Variants in ZMYND8 observed in about 807,000 individuals in gnomAD.
The protein encoded by ZMYND8 is zinc finger MYND-type containing 8.
Under a neutral mutation model 140.8 loss-of-function variants are expected in ZMYND8, and 37 were observed. The ratio of observed to expected loss-of-function variants is 0.26; its 90% CI spans 0.20 to 0.35. The LOEUF (loss-of-function observed/expected upper bound fraction) is 0.35, where lower values mean the gene tolerates loss of function less well. ZMYND8 is among the 10% of genes least tolerant of loss of function. The pLI is 1.00. For missense variants in ZMYND8, 1,068 were observed against 1,570.0 expected (o/e 0.68, Z 5.40); for synonymous variants, 592 against 597.1 (o/e 0.99, Z 0.12).
intron 2 of ZMYND8, among the ~76,000 whole-genome samples, chr20:47,314,105 G>A (rs954685005): frequency 6.6e-5 from 10 of 152,060 alleles, no homozygotes; most frequent in African/African-American, 2.2e-4. Context: ...TGGGAGGGGT[G>A]CCTGCAGGGA....
At chr20:47,349,236 G>A (rs1438696618) in intron 1 of ZMYND8, 2 of 152,288 alleles carry the variant, frequency 1.3e-5, no homozygotes, top group African/African-American at 4.8e-5. Flanking sequence ...AATTATAGGG[G>A]CTTGGAGACG....
intron 17 of ZMYND8, 149 bp downstream of exon 17, chr20:47,229,577 C>G (rs2038195959): frequency 4.4e-6 from 3 of 677,166 alleles, no homozygotes; most frequent in Non-Finnish European, 7.6e-6. Context: ...GAAAAAATAC[C>G]CCCATCGATA....
intron 2 of ZMYND8, among the ~76,000 whole-genome samples, chr20:47,341,204 C>G (rs1478116116): frequency 6.6e-6 from 1 of 152,160 alleles, no homozygotes; most frequent in Admixed American, 6.5e-5. Context: ...AAAATGTTTA[C>G]ACAGTATGTC....
chr20:47,217,189 G>GA lies in ZMYND8; in HGVS notation c.3484+3068dup, dbSNP rs538298224. 7.2e-5 allele frequency among the ~76,000 whole-genome samples: 11 copies of GA among 152,138 alleles called. No individual in the cohort carries two copies. In the East Asian group the frequency reaches 1.9e-3, roughly 27 times the overall value. ...AAGACAGTTAGTAGAATTGGGTGAG[G>GA]AAAAAAAGGCCACATCTGCACGCTG... is the stretch of plus-strand genomic sequence containing the variant. On this transcript the variant is annotated intron_variant, in intron 21 of 22. Transcript: ENST00000471951.
intron 11 of ZMYND8, 145 bp downstream of exon 11, chr20:47,276,169 G>A: frequency 8.5e-7 from 1 of 1,176,560 alleles, no homozygotes; most frequent in South Asian, 3.0e-5. Context: ...AACTCCACTG[G>A]TGACTTCTTG....
At chr20:47,307,454 G>A (rs188679134) in intron 3 of ZMYND8, among the ~76,000 whole-genome samples, 64 of 151,954 alleles carry the variant, frequency 4.2e-4, no homozygotes, top group Admixed American at 3.5e-3. Flanking sequence ...GAGAAACTCC[G>A]TCTCAAAAAA....
intron 2 of ZMYND8, among the ~76,000 whole-genome samples, chr20:47,313,238 A>G (rs988029466): frequency 6.9e-6 from 1 of 144,996 alleles, no homozygotes; most frequent in African/African-American, 2.7e-5. Flanking sequence ...AAAAAAAAAA[A>G]AATTTAATTA....
chr20:47,338,662 C>T (rs950497591), intron 2 of ZMYND8, among the ~76,000 whole-genome samples: 1 of 152,156 alleles, frequency 6.6e-6, no homozygotes, highest in Non-Finnish European at 1.5e-5. Context: ...GCTACCACCA[C>T]CGCCACTCAC....
chr20:47,269,340 G>C (rs118109246), intron 11 of ZMYND8, among the ~76,000 whole-genome samples: 1 of 152,228 alleles, frequency 6.6e-6, no homozygotes, highest in Non-Finnish European at 1.5e-5. Flanking sequence ...GCACAGAACA[G>C]CCTCACAATA....
chr20:47,333,362 G>A (rs1007551215), intron 2 of ZMYND8, among the ~76,000 whole-genome samples: 1 of 151,774 alleles, frequency 6.6e-6, no homozygotes, highest in Non-Finnish European at 1.5e-5. Context: ...AGCACTTTGA[G>A]AGACTGAGGG....
intron 2 of ZMYND8, among the ~76,000 whole-genome samples, chr20:47,334,667 T>C (rs1002074751): frequency 2.0e-4 from 30 of 151,174 alleles, no homozygotes; most frequent in Non-Finnish European, 1.0e-4. Context: ...TGGAGTACAG[T>C]GGCACGATCT....
At chr20:47,277,762 C>A (rs1259195385) in intron 10 of ZMYND8, among the ~76,000 whole-genome samples, 1 of 152,004 alleles carries the variant, frequency 6.6e-6, no homozygotes, top group Non-Finnish European at 1.5e-5. Flanking sequence ...CCTCCGTCTC[C>A]TGGGTTCAAG....
At chr20:47,231,886 A>G (rs1160458526) in intron 16 of ZMYND8, among the ~76,000 whole-genome samples, 1 of 152,248 alleles carries the variant, frequency 6.6e-6, no homozygotes. Flanking sequence ...TCATGCATTC[A>G]TGGACTGCCT....
intron 18 of ZMYND8, among the ~76,000 whole-genome samples, chr20:47,226,487 G>A (rs1034837701): frequency 3.3e-5 from 5 of 152,172 alleles, no homozygotes; most frequent in African/African-American, 1.2e-4. Flanking sequence ...TCTCCGCACT[G>A]AGCAGTGCAC....
chr20:47,356,640 TA>T lies in ZMYND8; in HGVS notation c.14+16del. ...CAGAGGGAGGGGGAAAAAAGATGGTTAAAAAGTCGAGCTTACCTCTGTGGAT... is the reference window on the plus strand; with the variant it reads ...CAGAGGGAGGGGGAAAAAAGATGGTTAAAAGTCGAGCTTACCTCTGTGGAT... On this transcript the variant is annotated intron_variant, in intron 1 of 22. Transcript: ENST00000471951. The T allele has an allele frequency of 6.2e-7, 1 of 1,614,124 alleles. No homozygotes were observed.
Position 47,252,861 on chromosome 20 carries a change from G to T in ZMYND8, c.1622-3422C>A, listed in dbSNP as rs1363296756. On this transcript the variant is annotated intron_variant, in intron 12 of 22. Coordinates refer to ENST00000471951, the MANE Select transcript of ZMYND8 (RefSeq NM_001281775.3). ...TTGAGCCCAGGAGGCAGAGGTTGCA[G>T]TGAGCCGAGATCAGGCCACTGCACT... 2.6e-5 allele frequency among the ~76,000 whole-genome samples: 4 copies of T among 152,324 alleles called. No homozygotes were observed. In the East Asian group the frequency reaches 7.7e-4, roughly 29 times the overall value.
At chr20:47,343,286 C>T (rs894355650) in intron 2 of ZMYND8, among the ~76,000 whole-genome samples, 3 of 152,020 alleles carry the variant, frequency 2.0e-5, no homozygotes, top group South Asian at 2.1e-4. Flanking sequence ...CTGTCTCAAA[C>T]GAACAAATAA....
chr20:47,291,364 A>C (rs1041883567), intron 6 of ZMYND8, among the ~76,000 whole-genome samples: 1 of 152,212 alleles, frequency 6.6e-6, no homozygotes, highest in African/African-American at 2.4e-5. Flanking sequence ...GAAAAAACCT[A>C]ATCAGTAGAG....
At chr20:47,214,640 T>C (rs939189479) in intron 21 of ZMYND8, among the ~76,000 whole-genome samples, 4 of 152,014 alleles carry the variant, frequency 2.6e-5, no homozygotes, top group African/African-American at 9.7e-5. Context: ...ATTACAGGGG[T>C]GTGTCACCAC....
Sources: gnomAD v4.1 joint callset for allele counts (sites outside exome capture counted in the v4.1 genomes callset) on GRCh38, gnomAD v4.1.1 for gene constraint, MANE v1.5 for transcripts, NCBI Gene and HGNC (gene_info 2026-07-23, HGNC 2026-07-21) for gene names.